The following RAPH1 variants were observed in gnomAD, a reference collection of about 807,000 sequenced individuals.
RAPH1 encodes ras-associated and pleckstrin homology domains-containing protein 1.
Under a neutral mutation model 88.1 loss-of-function variants are expected in RAPH1, and 18 were observed. The observed-to-expected ratio is 0.20, with a 90% CI of 0.14 to 0.30. RAPH1 has a LOEUF of 0.30. RAPH1 is among the 10% of genes least tolerant of loss of function. The pLI is 1.00. For synonymous variants in RAPH1, 587 were observed against 559.0 expected (o/e 1.05, Z -0.71); for missense variants, 1,448 against 1,543.2 (o/e 0.94, Z 1.03).
intron 1 of RAPH1, among the ~76,000 whole-genome samples, chr2:203,501,967 C>T (rs901878200): frequency 3.9e-5 from 6 of 152,216 alleles, no homozygotes; most frequent in East Asian, 1.9e-4. Context: ...GTAGCTGGGA[C>T]GACAGATATA....
Position 203,434,108 on chromosome 2 carries a change from A to AT in RAPH1, c.*5328dup, listed in dbSNP as rs1202547211. On this transcript the variant is annotated 3_prime_UTR_variant, in exon 14 of 14. Transcript: ENST00000319170. Reference sequence around the variant, plus strand: ...TTTGCACAATCAGGGAGCAAGGCACATAATGAAATGAGCATACATTTATGC... The same window carrying AT: ...TTTGCACAATCAGGGAGCAAGGCACATTAATGAAATGAGCATACATTTATGC... The AT allele has an allele frequency of 6.6e-6, 1 of 152,126 alleles. No individual in the cohort carries two copies. The highest frequency in any genetic ancestry group is 1.5e-5 in the Non-Finnish European group (1 of 67,986). The allele number at this position is 152,126 out of a possible 1,614,324, so 9.4% of individuals were successfully genotyped here. A position where few individuals can be genotyped will look rare whatever the true frequency, so the allele number is the denominator to read the frequency against.
rs781688825 is a variant in RAPH1 at position 203,439,744 on chromosome 2, G to A, written c.3446C>T (p.Pro1149Leu). Reference protein sequence around the residue: ...SEQPTMATVVPQVPTSPKSSL... With the variant: ...SEQPTMATVVLQVPTSPKSSL... ...GGATTTGGGAGAGGTGGGCACTTGT[G>A]GCACAACTGTGGCCATTGTTGGCTG... The change falls in exon 14 of 14, where the codon CCA (proline) becomes CTA (leucine). Residue 1149 changes from proline to leucine, a missense_variant. Physicochemically the swap from Pro to Leu is moderately conservative, Grantham distance 98. Transcript: ENST00000319170. 1 of 1,614,124 alleles carries A rather than the reference G, an allele frequency of 6.2e-7. No individual in the cohort carries two copies. The highest frequency in any genetic ancestry group is 8.5e-7 in the Non-Finnish European group (1 of 1,180,044).
rs550839834 is a variant in RAPH1 at position 203,455,805 on chromosome 2, C to T, written c.1159-225G>A. On this transcript the variant is annotated intron_variant, in intron 8 of 13. Coordinates refer to ENST00000319170, the MANE Select transcript of RAPH1 (RefSeq NM_213589.3). ...GGTGGATCACTTGAGGTCAGGAGTT[C>T]AAGACCAGCCTGGCCAACATAGTGA... 5.8e-4 allele frequency among the ~76,000 whole-genome samples: 87 copies of T among 149,642 alleles called. No individual in the cohort carries two copies. The Middle Eastern group carries it at 0.027, about 47-fold the overall frequency.
rs186223389 is a variant in RAPH1, at chr2:203,459,101, C to T, written c.1092+806G>A. ...AGCCAGGATGGTCTCGATCTCCTGACCTTGTGATCAGTCCACCTCAGCCTC... is the reference window on the plus strand; with the variant it reads ...AGCCAGGATGGTCTCGATCTCCTGATCTTGTGATCAGTCCACCTCAGCCTC... On this transcript the variant is annotated intron_variant, in intron 7 of 13. Transcript: ENST00000319170. Among the ~76,000 whole-genome samples the T allele has an allele frequency of 2.0e-3, 310 of 152,164 alleles. 1 individual carries two copies. Among genetic ancestry groups the T allele is most frequent in the Admixed American group, 2.3e-3 (35 of 15,270 alleles).
Position 203,488,148 on chromosome 2 carries a change from C to T in RAPH1, c.732+1436G>A, listed in dbSNP as rs147942646. On this transcript the variant is annotated intron_variant, in intron 4 of 13. Transcript: ENST00000319170. The stretch of plus-strand genomic sequence containing the variant: ...GATGAAAACAACTCAATAAAGAATT[C>T]TCTTTCACCAAACTCAGCTTTTGTT... 1.4e-4 allele frequency among the ~76,000 whole-genome samples: 22 copies of T among 152,284 alleles called. No individual in the cohort carries two copies. The East Asian group carries it at 4.0e-3, about 28-fold the overall frequency.
intron 4 of RAPH1, among the ~76,000 whole-genome samples, chr2:203,486,730 T>C (rs1235294291): frequency 1.3e-5 from 2 of 152,214 alleles, no homozygotes; most frequent in Non-Finnish European, 1.5e-5. Flanking sequence ...ATTTGATACA[T>C]GAGTTCAGGA....
intron 1 of RAPH1, among the ~76,000 whole-genome samples, chr2:203,522,435 T>C (rs767169676): frequency 8.5e-5 from 13 of 152,226 alleles, no homozygotes; most frequent in Non-Finnish European, 1.3e-4. Context: ...CGGACAGATA[T>C]GCCATCTTAA....
At chr2:203,506,242 A>T (rs1239800487) in intron 1 of RAPH1, among the ~76,000 whole-genome samples, 1 of 152,216 alleles carries the variant, frequency 6.6e-6, no homozygotes, top group Non-Finnish European at 1.5e-5. Context: ...ACAGACAAAA[A>T]GATGGGCAGA....
intron 1 of RAPH1, among the ~76,000 whole-genome samples, chr2:203,529,013 T>A (rs1312023276): frequency 1.0e-3 from 124 of 119,866 alleles, no homozygotes; most frequent in Non-Finnish European, 1.4e-3. Context: ...ATATTTTTTT[T>A]TTTTTTTTTT....
intron 3 of RAPH1, among the ~76,000 whole-genome samples, 164 bp from the exon 4 acceptor site, chr2:203,490,253 G>T (rs1338090816): frequency 1.3e-5 from 2 of 152,172 alleles, no homozygotes; most frequent in African/African-American, 4.8e-5. Context: ...ATTTTTAGAA[G>T]TACACAGTCC....
intron 1 of RAPH1, among the ~76,000 whole-genome samples, chr2:203,514,559 T>G (rs1336104032): frequency 4.0e-5 from 6 of 151,754 alleles, no homozygotes; most frequent in Non-Finnish European, 8.8e-5. Context: ...TTTGTGGGGT[T>G]TTTTTGTTTT....
intron 1 of RAPH1, among the ~76,000 whole-genome samples, chr2:203,526,577 T>C (rs555433229): frequency 6.6e-6 from 1 of 151,610 alleles, no homozygotes; most frequent in African/African-American, 2.4e-5. Flanking sequence ...ATACAAAAAT[T>C]AGCCGGGTGT....
rs537808980 is a variant in RAPH1, at chr2:203,459,624, G to T, written c.1092+283C>A. Among the ~76,000 whole-genome samples, 4 of 152,274 alleles carry T rather than the reference G, an allele frequency of 2.6e-5. No individual in the cohort carries two copies. In the South Asian group the frequency reaches 8.3e-4, roughly 32 times the overall value. On this transcript the variant is annotated intron_variant, in intron 7 of 13. Coordinates refer to ENST00000319170, the MANE Select transcript of RAPH1 (RefSeq NM_213589.3). ...ACAGCTCTGGATTACAGAGCCAAAA[G>T]ACCTGGTAACTCACTAGAGCTATAC...
intron 1 of RAPH1, among the ~76,000 whole-genome samples, chr2:203,521,592 T>C (rs575953196): frequency 2.8e-4 from 42 of 152,316 alleles, no homozygotes; most frequent in African/African-American, 9.9e-4. Context: ...AATATGTAGA[T>C]GTCTATCATG....
chr2:203,534,006 CT>C lies in RAPH1; in HGVS notation c.-1+1104del, dbSNP rs1160038015. Among the ~76,000 whole-genome samples, 13 of 152,184 alleles carry C rather than the reference CT, an allele frequency of 8.5e-5. 1 individual carries two copies. Among genetic ancestry groups the C allele is most frequent in the Non-Finnish European group, 1.6e-4 (11 of 68,024 alleles). ...GAAGAGCTCTTTCCACCACCCCATG[CT>C]TGTTCACCTGGTGTCACCCAGCCTA... On this transcript the variant is annotated intron_variant, in intron 1 of 13. Coordinates refer to ENST00000319170, the MANE Select transcript of RAPH1 (RefSeq NM_213589.3).
intron 4 of RAPH1, among the ~76,000 whole-genome samples, chr2:203,478,665 T>C (rs1272509061): frequency 1.3e-5 from 2 of 152,082 alleles, no homozygotes; most frequent in African/African-American, 4.8e-5. Context: ...AGTTTTGTAC[T>C]TTTAGTGGGG....
chr2:203,438,032 G>A lies in RAPH1; in HGVS notation c.*1405C>T, dbSNP rs193166955. 7.1e-6 allele frequency: 3 copies of A among 424,112 alleles called. No homozygotes were observed. The highest frequency in any genetic ancestry group is 1.4e-5 in the Non-Finnish European group (3 of 212,514). 26.3% of individuals were successfully genotyped at this position (424,112 alleles called of 1,614,324 possible). On this transcript the variant is annotated 3_prime_UTR_variant, in exon 14 of 14. Coordinates refer to ENST00000319170, the MANE Select transcript of RAPH1 (RefSeq NM_213589.3). Reference sequence around the variant, plus strand: ...AATTCACAGAAAAAAGCATATAGAAGTATAGTGTGTCGTTAGAGCACTGAC... The same window carrying A: ...AATTCACAGAAAAAAGCATATAGAAATATAGTGTGTCGTTAGAGCACTGAC...
intron 7 of RAPH1, among the ~76,000 whole-genome samples, chr2:203,459,184 T>C (rs2098522377): frequency 6.6e-6 from 1 of 152,218 alleles, no homozygotes; most frequent in Non-Finnish European, 1.5e-5. Flanking sequence ...TTATTTTTCA[T>C]AACTGCCTAC....
At chr2:203,530,179 A>G (rs1185969977) in intron 1 of RAPH1, among the ~76,000 whole-genome samples, 1 of 152,214 alleles carries the variant, frequency 6.6e-6, no homozygotes, top group Non-Finnish European at 1.5e-5. Flanking sequence ...TAGCAAGAAG[A>G]GCATATGAAA....
Sources: gnomAD v4.1 joint callset for allele counts (sites outside exome capture counted in the v4.1 genomes callset) on GRCh38, gnomAD v4.1.1 for gene constraint, MANE v1.5 for transcripts, NCBI Gene and HGNC (gene_info 2026-07-23, HGNC 2026-07-21) for gene names.